The following LINGO1 variants were observed in gnomAD, a reference collection of about 807,000 sequenced individuals.
LINGO1 encodes leucine rich repeat and Ig domain containing 1, also known as leucine-rich repeat and immunoglobulin-like domain-containing nogo receptor-interacting protein 1.
A neutral mutation model predicts 37.3 loss-of-function variants in LINGO1; 11 were observed. That is an observed-to-expected ratio of 0.29 (90% CI 0.19 to 0.49). LINGO1 has a LOEUF of 0.49. Among genes scored for constraint, LINGO1 ranks in the 20% least tolerant of loss-of-function variants. The pLI, the probability that LINGO1 is intolerant of heterozygous loss-of-function variation, is 0.99. For missense variants in LINGO1, 585 were observed against 878.2 expected, an observed-to-expected ratio of 0.67 and a Z score of 4.22; for synonymous variants, 387 against 403.0, an observed-to-expected ratio of 0.96 and a Z score of 0.48.
chr15:77,632,233 C>T lies in LINGO1; in HGVS notation c.6+77G>A. 7.7e-7 allele frequency: 1 copy of T among 1,298,964 alleles called. No homozygotes were observed. The highest frequency in any genetic ancestry group is 9.7e-7 in the Non-Finnish European group (1 of 1,025,748). The allele number at this position is 1,298,964 out of a possible 1,614,324, so 80.5% of individuals were successfully genotyped here. A position where few individuals can be genotyped will look rare whatever the true frequency, so the allele number is the denominator to read the frequency against. On this transcript the variant is annotated intron_variant, in intron 1 of 1. Coordinates refer to ENST00000355300, the MANE Select transcript of LINGO1 (RefSeq NM_032808.7). This position sits in a 1 kb window ranked among gnomAD's most constrained non-coding sequence, Gnocchi z 6.0. ...CCCTGCAACCCCAGGAGGGCGCAGC[C>T]AGGGCCGATGGCGGCCCCCAGGGGC...
At chr15:77,628,776 C>T (rs183329214) in intron 1 of LINGO1, among the ~76,000 whole-genome samples, 4 of 152,292 alleles carry the variant, frequency 2.6e-5, no homozygotes, top group Non-Finnish European at 5.9e-5. Context: ...AGAGCCCCAG[C>T]CCAGAGGTCA....
intron 3 of LINGO1, among the ~76,000 whole-genome samples, chr15:77,660,624 C>T (rs1241104114): frequency 6.6e-6 from 1 of 152,244 alleles, no homozygotes; most frequent in East Asian, 1.9e-4. Context: ...CAACATTTCT[C>T]CTTAAACTCC....
chr15:77,734,478 C>G (rs1851685874), intron 2 of LINGO1, among the ~76,000 whole-genome samples: 1 of 150,442 alleles, frequency 6.6e-6, no homozygotes, highest in Admixed American at 6.6e-5. Context: ...TCCCCAGACA[C>G]AGCAATAGTG....
At chr15:77,681,667 G>C (rs983902099) in intron 2 of LINGO1, among the ~76,000 whole-genome samples, 3 of 152,104 alleles carry the variant, frequency 2.0e-5, no homozygotes, top group African/African-American at 7.2e-5. Flanking sequence ...TGGGGGGGCT[G>C]AAAACAGAGG....
chr15:77,776,361 G>A (rs534267489), intron 1 of LINGO1, among the ~76,000 whole-genome samples: 98 of 150,618 alleles, frequency 6.5e-4, no homozygotes, highest in African/African-American at 2.4e-3. Context: ...CCTCCACCAT[G>A]GATTCCCTCC....
At chr15:77,792,784 C>T (rs970125184) in intron 2 of LINGO1, among the ~76,000 whole-genome samples, 23 of 152,246 alleles carry the variant, frequency 1.5e-4, no homozygotes, top group African/African-American at 5.5e-4. Flanking sequence ...CCATGGATGC[C>T]ATGCTGGGCA....
intron 1 of LINGO1, among the ~76,000 whole-genome samples, chr15:77,735,359 A>G (rs868359311): frequency 6.6e-6 from 1 of 152,134 alleles, no homozygotes; most frequent in Non-Finnish European, 1.5e-5. Context: ...CGCAGCCCCC[A>G]CCTATCCAAA....
At chr15:77,644,756 G>A (rs912791677) in intron 3 of LINGO1, among the ~76,000 whole-genome samples, 17 of 152,196 alleles carry the variant, frequency 1.1e-4, no homozygotes, top group African/African-American at 4.1e-4. Context: ...TTTGACAGAC[G>A]AGAAAACTGG....
intron 1 of LINGO1, among the ~76,000 whole-genome samples, chr15:77,812,977 G>C (rs2141481928): frequency 6.6e-6 from 1 of 152,326 alleles, no homozygotes; most frequent in East Asian, 1.9e-4. Flanking sequence ...AGTGGCCACA[G>C]AGGCCCCAAG....
intron 2 of LINGO1, among the ~76,000 whole-genome samples, chr15:77,710,656 C>T (rs972460368): frequency 6.6e-6 from 1 of 152,226 alleles, no homozygotes; most frequent in Non-Finnish European, 1.5e-5. Context: ...TTCACTTTGC[C>T]GCGGTGCTGG....
chr15:77,776,006 G>A (rs972667496), intron 1 of LINGO1, among the ~76,000 whole-genome samples: 3 of 151,978 alleles, frequency 2.0e-5, no homozygotes, highest in Non-Finnish European at 2.9e-5. Flanking sequence ...CAATGTCCTC[G>A]TCACCGCCTC....
chr15:77,799,625 C>G (rs2076901295), intron 1 of LINGO1, among the ~76,000 whole-genome samples: 1 of 152,182 alleles, frequency 6.6e-6, no homozygotes, highest in African/African-American at 2.4e-5. Flanking sequence ...AGGTCCTTGC[C>G]CTTTCTCTCT....
At chr15:77,815,895 C>T (rs960694531) in intron 1 of LINGO1, among the ~76,000 whole-genome samples, 4 of 152,200 alleles carry the variant, frequency 2.6e-5, no homozygotes, top group Non-Finnish European at 2.9e-5. Flanking sequence ...TGCCAACCTT[C>T]TCCATGCCCC....
chr15:77,649,740 G>T (rs2074716884), intron 3 of LINGO1, among the ~76,000 whole-genome samples: 1 of 152,142 alleles, frequency 6.6e-6, no homozygotes, highest in Non-Finnish European at 1.5e-5. Context: ...TGGCAGGCAG[G>T]ACTCTTGCTG....
At chr15:77,649,438 G>C (rs1049678501) in intron 3 of LINGO1, among the ~76,000 whole-genome samples, 3 of 152,238 alleles carry the variant, frequency 2.0e-5, no homozygotes, top group Non-Finnish European at 4.4e-5. Flanking sequence ...ATACCCACAT[G>C]AGTCTGTAAT....
At chr15:77,652,530 G>GTGTGTGTGTGTGTGTGTGTGTGTGTT (rs1461851046) in intron 3 of LINGO1, among the ~76,000 whole-genome samples, 1 of 144,772 alleles carries the variant, frequency 6.9e-6, no homozygotes, top group African/African-American at 2.7e-5. Flanking sequence ...GTGTGTGTGT[G>GTGTGTGTGTGTGTGTGTGTGTGTGTT]TTGCCAGAAT....
In LINGO1 at chr15:77,632,372, G is replaced by A. The variant is rs2074282843; in HGVS notation, c.-57C>T. The A allele has an allele frequency of 2.9e-6, 4 of 1,358,344 alleles. No homozygotes were observed. Among genetic ancestry groups the A allele is most frequent in the Non-Finnish European group, 3.8e-6 (4 of 1,050,996 alleles). 84.1% of individuals were successfully genotyped at this position (1,358,344 alleles called of 1,614,324 possible). ...TCACCAATCGCATGTCTCTCCAGCC[G>A]GCCCGACCAGGCCCCAGCCCCTGCC... On this transcript the variant is annotated 5_prime_UTR_variant, in exon 1 of 2. Transcript: ENST00000355300. The surrounding 1 kb of genome is among the most constrained non-coding windows in gnomAD (Gnocchi z 6.0).
intron 1 of LINGO1, among the ~76,000 whole-genome samples, chr15:77,749,291 C>A (rs2141363414): frequency 6.6e-6 from 1 of 152,240 alleles, no homozygotes; most frequent in South Asian, 2.1e-4. Context: ...TACTCTGAGG[C>A]CCCTGCCTTC....
Position 77,626,391 on chromosome 15 carries a change from A to G in LINGO1, c.6+5919T>C, listed in dbSNP as rs372776919. On this transcript the variant is annotated intron_variant, in intron 1 of 1. Coordinates refer to ENST00000355300, the MANE Select transcript of LINGO1 (RefSeq NM_032808.7). ...TGGACAGGCAGATTATAAATAAAAC[A>G]CTTGCCTCTCTCCTAGCCCTGGCAG... Among the ~76,000 whole-genome samples, 35 of 152,296 alleles carry G rather than the reference A, an allele frequency of 2.3e-4. No homozygotes were observed. In the East Asian group the frequency reaches 2.5e-3, roughly 11 times the overall value.
Sources: gnomAD v4.1 joint callset for allele counts (sites outside exome capture counted in the v4.1 genomes callset) on GRCh38, gnomAD v4.1.1 for gene constraint, Gnocchi (gnomAD v3.1) non-coding constraint, MANE v1.5 for transcripts, NCBI Gene and HGNC (gene_info 2026-07-23, HGNC 2026-07-21) for gene names.